Variants in XKR9 observed in about 807,000 individuals in gnomAD.
XKR9 encodes the protein XK related 9, also known as XK-related protein 9.
Under a neutral mutation model 32.0 loss-of-function variants are expected in XKR9, and 32 were observed. That is an observed-to-expected ratio of 1.00 (90% CI 0.76 to 1.34). The LOEUF is 1.34. XKR9 is among the 40% of genes most tolerant of loss of function. XKR9 has a pLI of 0.00. For missense variants in XKR9, 546 were observed against 429.7 expected, an observed-to-expected ratio of 1.27 and a Z score of -2.39; for synonymous variants, 168 against 143.4, an observed-to-expected ratio of 1.17 and a Z score of -1.22.
the XKR9 span, among the ~76,000 whole-genome samples, chr8:70,961,032 C>T: frequency 6.6e-6 from 1 of 151,882 alleles, no homozygotes; most frequent in Non-Finnish European, 1.5e-5. Context: ...TAGCCGGGTA[C>T]GACAGTGCAT....
chr8:71,029,422 G>T, the XKR9 span, among the ~76,000 whole-genome samples: 2 of 152,108 alleles, frequency 1.3e-5, no homozygotes, highest in Non-Finnish European at 2.9e-5. Context: ...ATCCAAAGTG[G>T]AGGTATAATT....
chr8:71,018,189 G>C, the XKR9 span, among the ~76,000 whole-genome samples: 2 of 152,106 alleles, frequency 1.3e-5, no homozygotes, highest in Non-Finnish European at 2.9e-5. Flanking sequence ...GCAAAGCAAA[G>C]ACTTTTATAA....
chr8:70,951,097 T>A, the XKR9 span, among the ~76,000 whole-genome samples: 1 of 152,226 alleles, frequency 6.6e-6, no homozygotes, highest in East Asian at 1.9e-4. Flanking sequence ...GTGACACTTT[T>A]ACTTCAGGAT....
At chr8:70,702,880 T>C (rs1330328672) in intron 3 of XKR9, among the ~76,000 whole-genome samples, 1 of 152,220 alleles carries the variant, frequency 6.6e-6, no homozygotes, top group Non-Finnish European at 1.5e-5. Flanking sequence ...TTGGAGTGTT[T>C]AATCCATTTA....
intron 2 of XKR9, among the ~76,000 whole-genome samples, chr8:70,773,457 A>C (rs913349235): frequency 2.6e-5 from 4 of 152,190 alleles, no homozygotes; most frequent in Non-Finnish European, 4.4e-5. Context: ...TCTCTTGGCT[A>C]AGCTTTTAAC....
the XKR9 span, among the ~76,000 whole-genome samples, chr8:71,018,754 A>G: frequency 6.6e-6 from 1 of 152,238 alleles, no homozygotes; most frequent in African/African-American, 2.4e-5. Flanking sequence ...AAGAATAGGG[A>G]AAAAGATGAC....
chr8:70,829,150 TG>T, the XKR9 span, among the ~76,000 whole-genome samples: 2 of 152,238 alleles, frequency 1.3e-5, no homozygotes, highest in African/African-American at 4.8e-5. Flanking sequence ...TCCAAGTGCC[TG>T]AACTCAAATC....
chr8:70,856,215 G>C, the XKR9 span, among the ~76,000 whole-genome samples: 1 of 152,162 alleles, frequency 6.6e-6, no homozygotes, highest in East Asian at 1.9e-4. Context: ...CCATCAGTGT[G>C]CTGTATTCAG....
At chr8:70,903,794 CTA>C in the XKR9 span, among the ~76,000 whole-genome samples, 1 of 152,100 alleles carries the variant, frequency 6.6e-6, no homozygotes, top group Admixed American at 6.5e-5. Flanking sequence ...AAATTTCACT[CTA>C]CACACTGCTC....
the XKR9 span, among the ~76,000 whole-genome samples, chr8:71,064,433 T>G: frequency 1.3e-5 from 2 of 152,208 alleles, no homozygotes; most frequent in East Asian, 3.8e-4. Flanking sequence ...ATCTAGAAAT[T>G]TATATCATTG....
At chr8:70,809,110 G>T in the XKR9 span, among the ~76,000 whole-genome samples, 1 of 152,164 alleles carries the variant, frequency 6.6e-6, no homozygotes, top group African/African-American at 2.4e-5. Flanking sequence ...CCAGGGGAAC[G>T]ATCAGGCAGC....
the XKR9 span, among the ~76,000 whole-genome samples, chr8:70,875,678 A>G: frequency 6.6e-6 from 1 of 152,170 alleles, no homozygotes; most frequent in Non-Finnish European, 1.5e-5. Flanking sequence ...TTCAATGAGG[A>G]TGCAAGATCA....
chr8:70,928,051 T>G, the XKR9 span, among the ~76,000 whole-genome samples: 18 of 152,336 alleles, frequency 1.2e-4, no homozygotes, highest in African/African-American at 4.3e-4. Context: ...ATTTCGTGTG[T>G]GTGTGTTTAG....
intron 3 of XKR9, among the ~76,000 whole-genome samples, chr8:70,700,980 C>T (rs1296476201): frequency 6.6e-6 from 1 of 152,220 alleles, no homozygotes; most frequent in East Asian, 1.9e-4. Context: ...GGGCGTAGGA[C>T]CCTCCGAGCC....
At chr8:70,802,127 G>A in the XKR9 span, among the ~76,000 whole-genome samples, 28 of 151,874 alleles carry the variant, frequency 1.8e-4, no homozygotes, top group African/African-American at 5.3e-4. Flanking sequence ...TAGTAGACAC[G>A]GGGTTTCACC....
the XKR9 span, among the ~76,000 whole-genome samples, chr8:70,990,761 G>T: frequency 1.4e-5 from 2 of 144,520 alleles, no homozygotes; most frequent in African/African-American, 2.5e-5. Context: ...GAGAGAGAGA[G>T]AGAGAGAAAG....
chr8:70,837,224 T>C, the XKR9 span, among the ~76,000 whole-genome samples: 1 of 152,088 alleles, frequency 6.6e-6, no homozygotes, highest in Non-Finnish European at 1.5e-5. Context: ...AGAGTTCATA[T>C]CTCACCTATG....
chr8:71,049,821 G>T, the XKR9 span, among the ~76,000 whole-genome samples: 1 of 152,152 alleles, frequency 6.6e-6, no homozygotes. Context: ...TCCCAGGCAA[G>T]AGAAACATCA....
chr8:70,867,393 A>G, the XKR9 span, among the ~76,000 whole-genome samples: 1 of 152,164 alleles, frequency 6.6e-6, no homozygotes, highest in East Asian at 1.9e-4. Flanking sequence ...CCCAAATCTC[A>G]TGGCCACACA....
Sources: allele counts gnomAD v4.1 joint callset (sites outside exome capture counted in the v4.1 genomes callset), GRCh38; gene constraint gnomAD v4.1.1; transcripts MANE v1.5; gene names NCBI Gene and HGNC (gene_info 2026-07-23, HGNC 2026-07-21).